Variants in GRM7 observed in about 807,000 individuals in gnomAD.
GRM7 encodes metabotropic glutamate receptor 7.
A neutral mutation model predicts 84.5 loss-of-function variants in GRM7; 35 were observed. That is an observed-to-expected ratio of 0.41 (90% CI 0.32 to 0.55). The LOEUF (loss-of-function observed/expected upper bound fraction) is 0.55. Ranked by LOEUF, GRM7 falls within the 20% of genes least tolerant of loss-of-function variation. The pLI, the probability that GRM7 is intolerant of heterozygous loss-of-function variation, is 0.19. For synonymous variants in GRM7, 487 were observed against 455.1 expected (o/e 1.07, Z -0.89); for missense variants, 1,003 against 1,194.6 (o/e 0.84, Z 2.36).
intron 4 of GRM7, among the ~76,000 whole-genome samples, chr3:7,389,414 T>G (rs1694905508): frequency 6.6e-6 from 1 of 152,120 alleles, no homozygotes; most frequent in South Asian, 2.1e-4. Context: ...ATTTAGAATT[T>G]GTTAGTTCTC....
chr3:7,638,484 C>T (rs1698208909), intron 8 of GRM7, among the ~76,000 whole-genome samples: 1 of 152,140 alleles, frequency 6.6e-6, no homozygotes, highest in Admixed American at 6.5e-5. Context: ...AAGTGGGATG[C>T]CCACTAAGGT....
chr3:7,657,397 G>A lies in GRM7; in HGVS notation c.2452-22652G>A, dbSNP rs554990408. ...ATATGAACATCTGGACAGGGTTCAC[G>A]TGTGATGTGCATGTGTTACTATTTA... On this transcript the variant is annotated intron_variant, in intron 8 of 9. Coordinates refer to ENST00000357716, the MANE Select transcript of GRM7 (RefSeq NM_000844.4). 1.1e-4 allele frequency among the ~76,000 whole-genome samples: 16 copies of A among 152,270 alleles called. No individual in the cohort carries two copies. The South Asian group carries it at 1.4e-3, about 14-fold the overall frequency.
chr3:7,252,013 A>C (rs956310248), intron 2 of GRM7, among the ~76,000 whole-genome samples: 1 of 152,154 alleles, frequency 6.6e-6, no homozygotes, highest in Non-Finnish European at 1.5e-5. Context: ...GGACATAGGG[A>C]ATCCATTCTC....
intron 2 of GRM7, among the ~76,000 whole-genome samples, chr3:7,205,098 G>T (rs1343098270): frequency 6.6e-6 from 1 of 152,128 alleles, no homozygotes; most frequent in East Asian, 1.9e-4. Flanking sequence ...TGAAGACTAG[G>T]GTTTTAGGCT....
intron 1 of GRM7, among the ~76,000 whole-genome samples, chr3:7,137,164 G>T (rs1693798768): frequency 6.6e-6 from 1 of 151,954 alleles, no homozygotes; most frequent in Non-Finnish European, 1.5e-5. Flanking sequence ...GTATATATAG[G>T]TTGTATATGA....
intron 2 of GRM7, among the ~76,000 whole-genome samples, chr3:7,202,822 C>G (rs9823996): frequency 0.27 from 41,726 of 152,056 alleles, 5,816 homozygotes; most frequent in Middle Eastern, 0.36. Context: ...TGAGCCTCTA[C>G]ATTTACCTCT....
rs150067597 is a variant in GRM7 at position 7,055,848 on chromosome 3, G to C, written c.520-90604G>C. 4.1e-3 allele frequency among the ~76,000 whole-genome samples: 621 copies of C among 151,954 alleles called. 1 individual carries two copies. The highest frequency in any genetic ancestry group is 7.0e-3 in the Non-Finnish European group (473 of 67,928). The stretch of plus-strand genomic sequence containing the variant: ...AAGACAAATATTTTAAATATATACT[G>C]AATATATACACACTCATGGCCCTCT... On this transcript the variant is annotated intron_variant, in intron 1 of 9. Transcript: ENST00000357716.
At chr3:6,962,206 C>T (rs1005206703) in intron 1 of GRM7, among the ~76,000 whole-genome samples, 19 of 152,146 alleles carry the variant, frequency 1.2e-4, no homozygotes, top group Admixed American at 1.0e-3. Context: ...ATTTAGGAAA[C>T]GTGAAGACTA....
chr3:7,414,616 T>C (rs970933519), intron 4 of GRM7, among the ~76,000 whole-genome samples: 6 of 152,168 alleles, frequency 3.9e-5, no homozygotes, highest in African/African-American at 7.2e-5. Flanking sequence ...TCAAAAACTT[T>C]TCCTTCTAAT....
intron 1 of GRM7, among the ~76,000 whole-genome samples, chr3:6,999,998 A>G (rs913341061): frequency 6.6e-6 from 1 of 152,190 alleles, no homozygotes; most frequent in Non-Finnish European, 1.5e-5. Flanking sequence ...GATTTAGAAC[A>G]TAATATGTAC....
rs139575967 is a variant in GRM7 at position 7,198,727 on chromosome 3, T to C, written c.736+52059T>C. On this transcript the variant is annotated intron_variant, in intron 2 of 9. Transcript: ENST00000357716. Reference sequence around the variant, plus strand: ...AATGTACACAAAGTGAAAAACCGAATTGTTATATGGGTACTTGGAGTACAG... The same window carrying C: ...AATGTACACAAAGTGAAAAACCGAACTGTTATATGGGTACTTGGAGTACAG... 2.4e-3 allele frequency among the ~76,000 whole-genome samples: 360 copies of C among 152,218 alleles called. 1 individual carries two copies. Among genetic ancestry groups the C allele is most frequent in the African/African-American group, 8.2e-3 (342 of 41,554 alleles).
At chr3:7,673,776 G>A (rs1251272678) in intron 8 of GRM7, among the ~76,000 whole-genome samples, 1 of 152,192 alleles carries the variant, frequency 6.6e-6, no homozygotes. Flanking sequence ...CCACATAGCT[G>A]ACTTCTGCAA....
intron 2 of GRM7, among the ~76,000 whole-genome samples, chr3:7,253,937 G>C (rs1330134635): frequency 6.6e-6 from 1 of 152,198 alleles, no homozygotes; most frequent in Non-Finnish European, 1.5e-5. Context: ...AGTGTAAGGA[G>C]CACAGCTTTG....
chr3:7,567,114 C>A (rs1335873568), intron 7 of GRM7, among the ~76,000 whole-genome samples: 5 of 152,312 alleles, frequency 3.3e-5, no homozygotes, highest in South Asian at 4.1e-4. Flanking sequence ...ATGTTTCTTA[C>A]ACCCACTCAC....
chr3:6,876,993 TTGTC>T (rs1406628861), intron 1 of GRM7, among the ~76,000 whole-genome samples: 3 of 152,182 alleles, frequency 2.0e-5, no homozygotes, highest in Non-Finnish European at 4.4e-5. Context: ...AATGAAGTCT[TTGTC>T]TGATTGCAAG....
intron 1 of GRM7, among the ~76,000 whole-genome samples, chr3:6,876,356 A>G (rs1001948973): frequency 1.3e-5 from 2 of 151,856 alleles, no homozygotes; most frequent in African/African-American, 4.8e-5. Context: ...GCTTCTCCCC[A>G]GTTAATATTA....
intron 4 of GRM7, among the ~76,000 whole-genome samples, chr3:7,315,413 A>G (rs912505061): frequency 6.6e-6 from 1 of 152,188 alleles, no homozygotes; most frequent in African/African-American, 2.4e-5. Flanking sequence ...AATGCTGTAT[A>G]TTGCATGCCT....
chr3:7,602,080 C>CAA (rs562646639), intron 8 of GRM7, among the ~76,000 whole-genome samples: 260 of 93,750 alleles, frequency 2.8e-3, no homozygotes, highest in African/African-American at 6.1e-3. Context: ...ATTACCAGGA[C>CAA]AAAAAAAAAA....
chr3:7,285,548 G>C (rs988094545), intron 2 of GRM7, among the ~76,000 whole-genome samples: 38 of 152,106 alleles, frequency 2.5e-4, no homozygotes, highest in African/African-American at 8.7e-4. Flanking sequence ...TGTCCAAAAA[G>C]TACAGGTAAC....
Sources: gnomAD v4.1 joint callset for allele counts (sites outside exome capture counted in the v4.1 genomes callset) on GRCh38, gnomAD v4.1.1 for gene constraint, MANE v1.5 for transcripts, NCBI Gene and HGNC (gene_info 2026-07-23, HGNC 2026-07-21) for gene names.